Variants in WBP11 observed in about 807,000 individuals in gnomAD.
WBP11 encodes the protein WW domain-binding protein 11.
A neutral mutation model predicts 66.7 loss-of-function variants in WBP11; 12 were observed. That is an observed-to-expected ratio of 0.18 (90% CI 0.12 to 0.29). The LOEUF (loss-of-function observed/expected upper bound fraction) is 0.29, where lower values mean the gene tolerates loss of function less well. WBP11 is among the 10% of genes least tolerant of loss of function. The probability of loss-of-function intolerance (pLI) is 1.00; values close to 1 mark genes in which losing one functional copy is unlikely to be tolerated. For synonymous variants in WBP11, 255 were observed against 273.8 expected (o/e 0.93, Z 0.68); for missense variants, 555 against 818.3 (o/e 0.68, Z 3.93).
At chr12:14,791,606 G>A (rs1949822923) in intron 8 of WBP11, among the ~76,000 whole-genome samples, 1 of 152,166 alleles carries the variant, frequency 6.6e-6, no homozygotes, top group Admixed American at 6.5e-5. Context: ...AGGAAAAGAT[G>A]AAATGTTACC....
Position 14,791,034 on chromosome 12 carries a change from C to T in WBP11, c.1015+135G>A, listed in dbSNP as rs1469410074. On this transcript the variant is annotated intron_variant, in intron 9 of 11. Transcript: ENST00000261167. ...ACTTTAGGCAGCCTATATAATGGTTCCAAACCTTATTTTTGTAAAACAAGG... is the reference window on the plus strand; with the variant it reads ...ACTTTAGGCAGCCTATATAATGGTTTCAAACCTTATTTTTGTAAAACAAGG... The T allele has an allele frequency of 5.4e-6, 5 of 925,560 alleles. No homozygotes were observed. In the East Asian group the frequency reaches 1.3e-4, roughly 24 times the overall value. 57.3% of individuals were successfully genotyped at this position (925,560 alleles called of 1,614,324 possible). A position where few individuals can be genotyped will look rare whatever the true frequency, so the allele number is the denominator to read the frequency against.
At chr12:14,802,113 T>A (rs1439109015) in intron 1 of WBP11, 1 of 152,212 alleles carries the variant, frequency 6.6e-6, no homozygotes. Flanking sequence ...TTTTTCTTAC[T>A]AAGACCTGAC....
chr12:14,793,297 A>G (rs1188284236), intron 8 of WBP11, among the ~76,000 whole-genome samples: 1 of 152,160 alleles, frequency 6.6e-6, no homozygotes. Context: ...TCATGATTCC[A>G]CTCATGAGTG....
In WBP11 at chr12:14,787,245, T is replaced by G; in HGVS notation, c.1746A>C (p.Ala582=). Residue 582 remains alanine, a synonymous_variant, in exon 12 of 12, where the codon GCA becomes GCC. Coordinates refer to ENST00000261167, the MANE Select transcript of WBP11 (RefSeq NM_016312.3). ...CTTTATTCTCCCGACGTACTCTCAG[T>G]GCAGTGGGCACAAATCGAGTAATCT... ...KAEITRFVPT[A]LRVRRENKGA... is the part of the protein sequence containing the mutation. The G allele has an allele frequency of 1.9e-6, 3 of 1,614,222 alleles. No homozygotes were observed. Among genetic ancestry groups the G allele is most frequent in the Non-Finnish European group, 1.7e-6 (2 of 1,180,046 alleles).
Position 14,786,733 on chromosome 12 carries a change from A to G in WBP11, c.*332T>C, listed in dbSNP as rs531968895. On this transcript the variant is annotated 3_prime_UTR_variant, in exon 12 of 12. Transcript: ENST00000261167. ...TCCAGAAATCTCTACTCCAGTGCCCACAGCACACAAGAGTCAAAACAAATA... is the reference window on the plus strand; with the variant it reads ...TCCAGAAATCTCTACTCCAGTGCCCGCAGCACACAAGAGTCAAAACAAATA... The G allele has an allele frequency of 1.1e-4, 21 of 199,620 alleles. No homozygotes were observed. Among genetic ancestry groups the G allele is most frequent in the African/African-American group, 4.1e-4 (18 of 43,546 alleles). The allele number at this position is 199,620 out of a possible 1,614,324, so 12.4% of individuals were successfully genotyped here. A position where few individuals can be genotyped will look rare whatever the true frequency, so the allele number is the denominator to read the frequency against.
At chr12:14,787,767 A>G (rs1949770853) in intron 11 of WBP11, among the ~76,000 whole-genome samples, 1 of 152,160 alleles carries the variant, frequency 6.6e-6, no homozygotes, top group African/African-American at 2.4e-5. Flanking sequence ...AGGGACATCA[A>G]CTGGTTTCAA....
At chr12:14,802,936 T>G (rs1429680660) in intron 1 of WBP11, among the ~76,000 whole-genome samples, 1 of 152,304 alleles carries the variant, frequency 6.6e-6, no homozygotes, top group South Asian at 2.1e-4. Flanking sequence ...ATTAGTTTTT[T>G]GTCTACAAGC....
At position 14,794,755 on chromosome 12, in the gene WBP11, A is replaced by G; in HGVS notation, c.522-19T>C. Reference sequence around the variant, plus strand: ...TGGAGGTCTGTTAAAAAAAAAAACAAAAACAAAAAAACCCCCACAGTAATC... The same window carrying G: ...TGGAGGTCTGTTAAAAAAAAAAACAGAAACAAAAAAACCCCCACAGTAATC... On this transcript the variant is annotated intron_variant, in intron 6 of 11. Transcript: ENST00000261167. 2 of 1,535,140 alleles carry G rather than the reference A, an allele frequency of 1.3e-6. No homozygotes were observed. The highest frequency in any genetic ancestry group is 1.7e-6 in the Non-Finnish European group (2 of 1,146,772).
At position 14,796,524 on chromosome 12, in the gene WBP11, G is replaced by C. The variant is rs1949896085; in HGVS notation, c.387+283C>G. ...TTTGACTCCCATATGATGCCATGGT[G>C]GAAAAATCCACACCTGACCTAATGT... On this transcript the variant is annotated intron_variant, in intron 5 of 11. Transcript: ENST00000261167. The surrounding 1 kb of genome is among the most constrained non-coding windows in gnomAD (Gnocchi z 4.5). Among the ~76,000 whole-genome samples the C allele has an allele frequency of 6.6e-6, 1 of 152,054 alleles. No homozygotes were observed. The highest frequency in any genetic ancestry group is 6.6e-5 in the Admixed American group (1 of 15,258).
At chr12:14,787,555 T>C in intron 11 of WBP11, 57 bp from the exon 12 acceptor site, 1 of 1,376,976 alleles carries the variant, frequency 7.3e-7, no homozygotes, top group South Asian at 2.3e-5. Context: ...ATTTAACTAC[T>C]ATTAAGGACA....
In WBP11 at chr12:14,793,595, AT is replaced by A; in HGVS notation, c.913+135del. ...TGTGTCAAAAACTTTCAAAATTTTA[AT>A]ATATAAGATGAACACAGCTATGATC... On this transcript the variant is annotated intron_variant, in intron 8 of 11. Coordinates refer to ENST00000261167, the MANE Select transcript of WBP11 (RefSeq NM_016312.3). 9.6e-6 allele frequency: 10 copies of A among 1,039,804 alleles called. No individual in the cohort carries two copies. In the South Asian group the frequency reaches 1.9e-4, roughly 20 times the overall value. 64.4% of individuals were successfully genotyped at this position (1,039,804 alleles called of 1,614,324 possible).
At chr12:14,798,967 T>A (rs1949927767) in intron 4 of WBP11, among the ~76,000 whole-genome samples, 1 of 152,194 alleles carries the variant, frequency 6.6e-6, no homozygotes, top group African/African-American at 2.4e-5. Flanking sequence ...ATTTGTGGGT[T>A]AGGATAAAAT....
chr12:14,799,814 C>A, intron 3 of WBP11, 86 bp from the exon 4 acceptor site: 2 of 1,265,592 alleles, frequency 1.6e-6, no homozygotes, highest in Middle Eastern at 2.0e-4. Context: ...AACAGAATAA[C>A]TCCTTGGCTT....
chr12:14,793,583 T>G, intron 8 of WBP11, 148 bp downstream of exon 8: 4 of 906,534 alleles, frequency 4.4e-6, no homozygotes, highest in Non-Finnish European at 6.5e-6. Flanking sequence ...GTCAAAAACT[T>G]TCAAAATTTT....
intron 7 of WBP11, among the ~76,000 whole-genome samples, 173 bp downstream of exon 7, chr12:14,794,364 T>C (rs1432432997): frequency 6.6e-6 from 1 of 152,220 alleles, no homozygotes; most frequent in Non-Finnish European, 1.5e-5. Flanking sequence ...TATACTTATG[T>C]ATGATGCTTT....
At position 14,786,177 on chromosome 12, in the gene WBP11, CAAG is replaced by C. The variant is rs1186332403; in HGVS notation, c.*885_*887del. 6.6e-6 allele frequency: 1 copy of C among 152,252 alleles called. No individual in the cohort carries two copies. The highest frequency in any genetic ancestry group is 2.4e-5 in the African/African-American group (1 of 41,566). 9.4% of individuals were successfully genotyped at this position (152,252 alleles called of 1,614,324 possible). Reference sequence around the variant, plus strand: ...TTTTGCCATTCAACTCGTATCAGTTCAAGAAGCTCTGGAATAAGTAACCACTGA... The same window carrying C: ...TTTTGCCATTCAACTCGTATCAGTTCAAGCTCTGGAATAAGTAACCACTGA... On this transcript the variant is annotated 3_prime_UTR_variant, in exon 12 of 12. Transcript: ENST00000261167.
At chr12:14,788,273 T>C (rs909115199) in intron 11 of WBP11, among the ~76,000 whole-genome samples, 68 of 152,182 alleles carry the variant, frequency 4.5e-4, no homozygotes, top group African/African-American at 1.5e-3. Flanking sequence ...AGTAAGAGAA[T>C]GCAACTAATC....
rs1949900314 is a variant in WBP11 at position 14,796,893 on chromosome 12, G to T, written c.301C>A (p.Pro101Thr). Reference sequence around the variant, plus strand: ...TTTCTCAATTCTTTGTAAATATCTGGATTCTCTTTTTCATAGAGTCGTAGA... The same window carrying T: ...TTTCTCAATTCTTTGTAAATATCTGTATTCTCTTTTTCATAGAGTCGTAGA... ...RILRLYEKEN[P>T]DIYKELRKLE... Residue 101 changes from proline (P) to threonine (T), a missense_variant, in exon 5 of 12, where the codon CCA (proline) becomes ACA (threonine). Pro to Thr is a conservative substitution (Grantham distance 38). Transcript: ENST00000261167. The surrounding 1 kb of genome is among the most constrained non-coding windows in gnomAD (Gnocchi z 4.5). The T allele has an allele frequency of 6.2e-7, 1 of 1,612,314 alleles. No homozygotes were observed. Among genetic ancestry groups the T allele is most frequent in the African/African-American group, 1.3e-5 (1 of 74,750 alleles).
At chr12:14,793,586 A>T in intron 8 of WBP11, 145 bp downstream of exon 8, 1 of 986,368 alleles carries the variant, frequency 1.0e-6, no homozygotes. Context: ...AAAAACTTTC[A>T]AAATTTTAAT....
Sources: allele counts gnomAD v4.1 joint callset (sites outside exome capture counted in the v4.1 genomes callset), GRCh38; gene constraint gnomAD v4.1.1; non-coding constraint Gnocchi (gnomAD v3.1); transcripts MANE v1.5; gene names NCBI Gene and HGNC (gene_info 2026-07-23, HGNC 2026-07-21).